The following SH3RF2 variants were observed in gnomAD, a reference collection of about 807,000 sequenced individuals.
SH3RF2 encodes the protein E3 ubiquitin-protein ligase SH3RF2.
A neutral mutation model predicts 59.0 loss-of-function variants in SH3RF2; 43 were observed. The ratio of observed to expected loss-of-function variants is 0.73; its 90% CI spans 0.57 to 0.94. SH3RF2 has a LOEUF of 0.94. Ranked by LOEUF, SH3RF2 falls within the 40% of genes least tolerant of loss-of-function variation. The pLI is 0.00. For synonymous variants in SH3RF2, 391 were observed against 391.5 expected (o/e 1.00, Z 0.01); for missense variants, 930 against 940.1 (o/e 0.99, Z 0.14).
Position 146,060,133 on chromosome 5 carries a change from C to G in SH3RF2, c.1823C>G (p.Pro608Arg), listed in dbSNP as rs780265355. Residue 608 changes from proline (P) to arginine (R), a missense_variant, in exon 9 of 10, where the codon CCC becomes CGC. Pro to Arg is a moderately radical substitution (Grantham distance 103). Transcript: ENST00000359120. Reference sequence around the variant, plus strand: ...CTCATTATGGAAGACAAAGAAATCCCCATCAAGAGTGAGCCTCTGCCAAAA... The same window carrying G: ...CTCATTATGGAAGACAAAGAAATCCGCATCAAGAGTGAGCCTCTGCCAAAA... Reference protein sequence around the residue: ...SSLIMEDKEIPIKSEPLPKPP... With the variant: ...SSLIMEDKEIRIKSEPLPKPP... 6.2e-7 allele frequency: 1 copy of G among 1,614,190 alleles called. No homozygotes were observed. The highest frequency in any genetic ancestry group is 1.1e-5 in the South Asian group (1 of 91,084).
At chr5:145,959,911 G>T (rs940389272) in intron 2 of SH3RF2, among the ~76,000 whole-genome samples, 1 of 151,758 alleles carries the variant, frequency 6.6e-6, no homozygotes, top group Non-Finnish European at 1.5e-5. Context: ...CCTCTCTTTG[G>T]GTCACTAACT....
chr5:145,964,312 C>CTTTCTTTT (rs1554110981), intron 2 of SH3RF2, among the ~76,000 whole-genome samples: 1 of 111,186 alleles, frequency 9.0e-6, no homozygotes, highest in Non-Finnish European at 1.9e-5. Flanking sequence ...TCCTTTCTTT[C>CTTTCTTTT]TTTTTTTTTT....
intron 2 of SH3RF2, among the ~76,000 whole-genome samples, chr5:145,991,186 C>G (rs1046668497): frequency 7.2e-5 from 11 of 152,192 alleles, no homozygotes; most frequent in Non-Finnish European, 1.5e-4. Flanking sequence ...GCTTTCAGGT[C>G]AAACGAGCCT....
intron 5 of SH3RF2, among the ~76,000 whole-genome samples, chr5:146,029,002 G>GA (rs1259820501): frequency 1.3e-5 from 2 of 152,098 alleles, no homozygotes; most frequent in Non-Finnish European, 2.9e-5. Flanking sequence ...GTAGTGAAAA[G>GA]AAAAACAAAT....
intron 2 of SH3RF2, 117 bp downstream of exon 2, chr5:145,938,423 A>G: frequency 4.8e-6 from 6 of 1,249,078 alleles, no homozygotes; most frequent in Non-Finnish European, 5.3e-6. Context: ...TTGATTTCCC[A>G]GTGATAAGTT....
At chr5:146,047,668 G>T in intron 5 of SH3RF2, 104 bp from the exon 6 acceptor site, 2 of 1,027,780 alleles carry the variant, frequency 1.9e-6, no homozygotes, top group South Asian at 1.5e-5. Context: ...CATGGCTGTT[G>T]GTTTTCAGCT....
chr5:145,968,213 T>G (rs1285346232), intron 2 of SH3RF2, among the ~76,000 whole-genome samples: 1 of 152,234 alleles, frequency 6.6e-6, no homozygotes, highest in African/African-American at 2.4e-5. Flanking sequence ...TGTGAAATAC[T>G]AGTAGAGTGG....
intron 4 of SH3RF2, among the ~76,000 whole-genome samples, chr5:146,011,809 A>C (rs2149991809): frequency 6.6e-6 from 1 of 152,328 alleles, no homozygotes; most frequent in East Asian, 1.9e-4. Flanking sequence ...CTAAATATAC[A>C]ATCATGTCAT....
chr5:146,064,328 A>G (rs1025445922), downstream of SH3RF2, among the ~76,000 whole-genome samples: 3 of 151,940 alleles, frequency 2.0e-5, no homozygotes, highest in African/African-American at 7.3e-5. Flanking sequence ...GCAAAATTAG[A>G]TGACCCCACT....
rs76960782 is a variant in SH3RF2 at position 145,976,151 on chromosome 5, A to T, written c.379-23907A>T. On this transcript the variant is annotated intron_variant, in intron 2 of 9. Transcript: ENST00000359120. ...GAGAAGCCACTTCACATAATGCTAC[A>T]TAAAGAGGAATAATTAACAAATGCA... Among the ~76,000 whole-genome samples the T allele has an allele frequency of 6.7e-3, 1,014 of 152,326 alleles. 14 individuals carry two copies. The highest frequency in any genetic ancestry group is 0.024 in the African/African-American group (987 of 41,558).
intron 5 of SH3RF2, among the ~76,000 whole-genome samples, chr5:146,032,580 G>A (rs750974974): frequency 1.3e-5 from 2 of 152,152 alleles, no homozygotes; most frequent in Non-Finnish European, 1.5e-5. Context: ...GCCAGTGACC[G>A]AGGGGTGAGG....
At chr5:146,022,311 G>A (rs1388156832) in intron 5 of SH3RF2, among the ~76,000 whole-genome samples, 3 of 152,118 alleles carry the variant, frequency 2.0e-5, no homozygotes, top group African/African-American at 4.8e-5. Flanking sequence ...AGGTTCAAGC[G>A]ATTCTCCTGC....
intron 5 of SH3RF2, among the ~76,000 whole-genome samples, chr5:146,033,897 T>C (rs1761834193): frequency 2.0e-5 from 3 of 152,206 alleles, no homozygotes; most frequent in Non-Finnish European, 4.4e-5. Flanking sequence ...ATCCCCATTG[T>C]TTGTTGTTAC....
At chr5:146,035,170 T>C (rs1428108957) in intron 5 of SH3RF2, among the ~76,000 whole-genome samples, 2 of 152,046 alleles carry the variant, frequency 1.3e-5, no homozygotes, top group Non-Finnish European at 1.5e-5. Flanking sequence ...CGATTTTTTT[T>C]TCTCTTTTTT....
At chr5:146,028,701 C>G (rs948057874) in intron 5 of SH3RF2, among the ~76,000 whole-genome samples, 15 of 152,200 alleles carry the variant, frequency 9.9e-5, no homozygotes, top group Admixed American at 5.9e-4. Flanking sequence ...GAATGTAGCA[C>G]AGGGTCTGGC....
intron 2 of SH3RF2, among the ~76,000 whole-genome samples, chr5:145,947,057 T>A (rs1003971262): frequency 1.3e-5 from 2 of 151,990 alleles, no homozygotes; most frequent in African/African-American, 4.8e-5. Context: ...GATCTTGTTA[T>A]GCAAGTGTCA....
At chr5:146,014,671 G>A (rs1325613862) in intron 5 of SH3RF2, among the ~76,000 whole-genome samples, 3 of 152,228 alleles carry the variant, frequency 2.0e-5, no homozygotes, top group Non-Finnish European at 4.4e-5. Context: ...GTGTGGCTAT[G>A]CAAGGCACAA....
chr5:145,945,629 G>T (rs188692051), intron 2 of SH3RF2, among the ~76,000 whole-genome samples: 1 of 152,266 alleles, frequency 6.6e-6, no homozygotes, highest in Non-Finnish European at 1.5e-5. Flanking sequence ...GAAAAGGCAG[G>T]ATAGGGCAGG....
At chr5:146,016,829 A>T (rs1240804275) in intron 5 of SH3RF2, among the ~76,000 whole-genome samples, 1 of 152,114 alleles carries the variant, frequency 6.6e-6, no homozygotes, top group Non-Finnish European at 1.5e-5. Flanking sequence ...CCACCCCCTC[A>T]GTAAAGAATT....
Sources: allele counts gnomAD v4.1 joint callset (sites outside exome capture counted in the v4.1 genomes callset), GRCh38; gene constraint gnomAD v4.1.1; transcripts MANE v1.5; gene names NCBI Gene and HGNC (gene_info 2026-07-23, HGNC 2026-07-21).